DACH2: variants seen among roughly 807,000 people sequenced by gnomAD.
DACH2 encodes the protein dachshund family transcription factor 2.
A neutral mutation model predicts 35.8 loss-of-function variants in DACH2; 17 were observed. The ratio of observed to expected loss-of-function variants is 0.48; its 90% confidence interval spans 0.33 to 0.71. DACH2 has a LOEUF of 0.71. DACH2 is among the 30% of genes least tolerant of loss of function. The pLI, the probability that DACH2 is intolerant of heterozygous loss-of-function variation, is 0.02. For missense variants in DACH2, 469 were observed against 472.7 expected, an observed-to-expected ratio of 0.99 and a Z score of 0.07; for synonymous variants, 195 against 177.3, an observed-to-expected ratio of 1.10 and a Z score of -0.79.
chrX:86,656,685 G>A (rs2040543543), intron 4 of DACH2, among the ~76,000 whole-genome samples: 1 of 107,914 alleles, frequency 9.3e-6, no homozygotes, highest in Admixed American at 1.0e-4. Context: ...GATCTACTCT[G>A]GGAATTACTG....
intron 4 of DACH2, among the ~76,000 whole-genome samples, chrX:86,661,328 A>G (rs1359088964): frequency 8.9e-6 from 1 of 112,334 alleles, no homozygotes; most frequent in African/African-American, 3.2e-5. Context: ...TAGGATGCCC[A>G]TTTCTCTGCA....
At chrX:86,740,517 C>T (rs1256004075) in intron 7 of DACH2, among the ~76,000 whole-genome samples, 7 of 73,234 alleles carry the variant, frequency 9.6e-5, no homozygotes, top group Non-Finnish European at 1.7e-4. Flanking sequence ...CCCCACCCCA[C>T]AACAGTCCCC....
intron 1 of DACH2, among the ~76,000 whole-genome samples, chrX:86,163,764 T>C (rs2030847620): frequency 8.9e-6 from 1 of 111,862 alleles, no homozygotes; most frequent in Non-Finnish European, 1.9e-5. Flanking sequence ...TCTCATCGTT[T>C]TTTATGGCTG....
intron 3 of DACH2, among the ~76,000 whole-genome samples, chrX:86,574,890 A>G (rs1223375553): frequency 1.8e-5 from 2 of 111,742 alleles, no homozygotes; most frequent in Non-Finnish European, 3.8e-5. Context: ...CTTTATATAA[A>G]ATGTATTTGT....
At chrX:86,685,077 A>T (rs774397234) in intron 4 of DACH2, among the ~76,000 whole-genome samples, 6 of 112,072 alleles carry the variant, frequency 5.4e-5, no homozygotes, top group African/African-American at 1.9e-4. Flanking sequence ...AAGGTGACAG[A>T]GTTCCTACAT....
intron 7 of DACH2, among the ~76,000 whole-genome samples, chrX:86,749,016 A>G (rs948262508): frequency 8.9e-6 from 1 of 112,012 alleles, no homozygotes; most frequent in Non-Finnish European, 1.9e-5. Context: ...CACGTTTGTT[A>G]GATACCAACT....
chrX:86,597,890 T>C (rs1247689310), intron 3 of DACH2, among the ~76,000 whole-genome samples: 1 of 111,671 alleles, frequency 9.0e-6, no homozygotes, highest in Non-Finnish European at 1.9e-5. Context: ...GATAAAGATA[T>C]ACCCAATACT....
chrX:86,196,993 G>A (rs1281719667), intron 1 of DACH2, among the ~76,000 whole-genome samples: 2 of 111,143 alleles, frequency 1.8e-5, no homozygotes, highest in Non-Finnish European at 3.8e-5. Context: ...AAGAAAAAAT[G>A]TTAAAGGCAA....
At chrX:86,174,119 G>GTTT (rs140747201) in intron 1 of DACH2, among the ~76,000 whole-genome samples, 7 of 71,740 alleles carry the variant, frequency 9.8e-5, no homozygotes, top group African/African-American at 1.7e-4. Context: ...GAGTACAGTT[G>GTTT]TTTTTTTTTT....
intron 1 of DACH2, among the ~76,000 whole-genome samples, chrX:86,332,489 T>C: frequency 8.9e-6 from 1 of 112,011 alleles, no homozygotes. Context: ...AACTTCTTAA[T>C]GAAAGTTAGT....
At chrX:86,402,070 G>T (rs899471257) in intron 2 of DACH2, among the ~76,000 whole-genome samples, 3 of 111,852 alleles carry the variant, frequency 2.7e-5, no homozygotes, top group Non-Finnish European at 3.8e-5. Flanking sequence ...AAACCCACAG[G>T]CAGTATCATA....
At chrX:86,291,433 T>G (rs1323433423) in intron 1 of DACH2, among the ~76,000 whole-genome samples, 1 of 100,599 alleles carries the variant, frequency 9.9e-6, no homozygotes. Context: ...TCCTGCCTAA[T>G]TGGCCTGGCC....
intron 1 of DACH2, among the ~76,000 whole-genome samples, chrX:86,349,284 A>G (rs978838796): frequency 2.7e-5 from 3 of 111,197 alleles, no homozygotes; most frequent in African/African-American, 9.9e-5. Context: ...ACTCCGCATC[A>G]TTTCGCCTCG....
chrX:86,292,877 T>C (rs1238442280), intron 1 of DACH2, among the ~76,000 whole-genome samples: 1 of 107,341 alleles, frequency 9.3e-6, no homozygotes, highest in Non-Finnish European at 1.9e-5. Flanking sequence ...AGGTGTGGTG[T>C]GGTGCTGAAG....
At chrX:86,689,382 G>C (rs1487103019) in intron 4 of DACH2, among the ~76,000 whole-genome samples, 1 of 110,919 alleles carries the variant, frequency 9.0e-6, no homozygotes, top group East Asian at 2.8e-4. Flanking sequence ...ACTAAACCCT[G>C]AATTTGTGTC....
At chrX:86,344,065 T>C (rs943513348) in intron 1 of DACH2, among the ~76,000 whole-genome samples, 36 of 110,246 alleles carry the variant, frequency 3.3e-4, no homozygotes, top group Non-Finnish European at 5.5e-4. Context: ...AAAGGTGTAA[T>C]TGGATTGTTT....
chrX:86,556,787 TATATATATAGAGAGAGAGAGAGAG>T (rs1420085604), intron 3 of DACH2, among the ~76,000 whole-genome samples: 3 of 40,177 alleles, frequency 7.5e-5, no homozygotes, highest in African/African-American at 3.1e-4. Context: ...TATATATATA[TATATATATAGAGAGAGAGAGAGAG>T]AGAGAGAGAG....
At chrX:86,579,964 T>C (rs1569445535) in intron 3 of DACH2, among the ~76,000 whole-genome samples, 1 of 111,704 alleles carries the variant, frequency 9.0e-6, no homozygotes, top group Non-Finnish European at 1.9e-5. Flanking sequence ...TGCTTTGGCA[T>C]GCACCACCCA....
At chrX:86,359,286 T>G (rs142144602) in intron 1 of DACH2, among the ~76,000 whole-genome samples, 2,888 of 111,321 alleles carry the variant, frequency 0.026, 49 homozygotes, top group Non-Finnish European at 0.041. Flanking sequence ...TATATTGCAA[T>G]ACTAGTTTCA....
Sources: gnomAD v4.1 joint callset for allele counts (sites outside exome capture counted in the v4.1 genomes callset) on GRCh38, gnomAD v4.1.1 for gene constraint, MANE v1.5 for transcripts, NCBI Gene and HGNC (gene_info 2026-07-23, HGNC 2026-07-21) for gene names.